Variants in EVL observed in about 807,000 individuals in gnomAD.
The protein encoded by EVL is ena/VASP-like protein.
EVL carries 21 observed loss-of-function variants against 59.6 expected under a neutral mutation model. The ratio of observed to expected loss-of-function variants is 0.35; its 90% confidence interval spans 0.25 to 0.51. The LOEUF (loss-of-function observed/expected upper bound fraction) is 0.51. EVL is among the 20% of genes least tolerant of loss of function. The pLI, the probability that EVL is intolerant of heterozygous loss-of-function variation, is 0.97. For missense variants in EVL, 462 were observed against 546.6 expected, an observed-to-expected ratio of 0.85 and a Z score of 1.54; for synonymous variants, 198 against 203.5, an observed-to-expected ratio of 0.97 and a Z score of 0.23.
intron 9 of EVL, among the ~76,000 whole-genome samples, chr14:100,136,792 T>C (rs1888821795): frequency 6.6e-6 from 1 of 152,210 alleles, no homozygotes; most frequent in Non-Finnish European, 1.5e-5. Context: ...TCAATACCCC[T>C]GCCCTGTTTG....
intron 1 of EVL, among the ~76,000 whole-genome samples, chr14:100,036,021 G>C (rs1473505937): frequency 6.6e-6 from 1 of 152,158 alleles, no homozygotes; most frequent in African/African-American, 2.4e-5. Context: ...ACCAGTTCGT[G>C]GCCTGTTAGG....
At chr14:100,068,055 A>T (rs1409631486) in intron 1 of EVL, among the ~76,000 whole-genome samples, 2 of 152,162 alleles carry the variant, frequency 1.3e-5, no homozygotes, top group African/African-American at 4.8e-5. Context: ...TCTTGTCCTC[A>T]AACTGAGGGC....
At chr14:100,102,077 A>G (rs549043658) in intron 3 of EVL, among the ~76,000 whole-genome samples, 1 of 152,320 alleles carries the variant, frequency 6.6e-6, no homozygotes, top group East Asian at 1.9e-4. Context: ...ACCTCAAGTG[A>G]TCCGCCCACC....
intron 4 of EVL, among the ~76,000 whole-genome samples, chr14:100,124,187 G>A (rs1017003592): frequency 9.2e-5 from 14 of 152,348 alleles, no homozygotes; most frequent in Middle Eastern, 3.4e-3. Flanking sequence ...CCCTCTCAGC[G>A]ATGGGTCCTC....
At chr14:100,017,978 T>C (rs1026828076) in intron 1 of EVL, among the ~76,000 whole-genome samples, 1 of 152,258 alleles carries the variant, frequency 6.6e-6, no homozygotes, top group South Asian at 2.1e-4. Flanking sequence ...TTCGTGCGAA[T>C]GCATGTACTG....
chr14:100,036,365 T>C (rs2061388599), intron 1 of EVL, among the ~76,000 whole-genome samples: 1 of 152,202 alleles, frequency 6.6e-6, no homozygotes, highest in Admixed American at 6.5e-5. Flanking sequence ...GTTTGGTTTC[T>C]TTTTTCTGGG....
intron 2 of EVL, among the ~76,000 whole-genome samples, chr14:100,095,424 C>G (rs977442184): frequency 2.6e-5 from 4 of 152,166 alleles, no homozygotes; most frequent in Non-Finnish European, 5.9e-5. Context: ...GTTAATGTGT[C>G]CTATAATCTA....
At chr14:100,070,062 T>TA (rs569848858) in intron 1 of EVL, among the ~76,000 whole-genome samples, 5,900 of 122,324 alleles carry the variant, frequency 0.048, 298 homozygotes, top group African/African-American at 0.13. Context: ...CCTCCTCTCT[T>TA]AAAAAAAAAA....
intron 1 of EVL, among the ~76,000 whole-genome samples, chr14:99,983,330 A>G (rs892449364): frequency 7.9e-5 from 12 of 152,230 alleles, no homozygotes; most frequent in Admixed American, 7.9e-4. Context: ...TTAGGTTAAG[A>G]AAGAGTTACT....
At chr14:100,084,656 A>T (rs1252942932) in intron 1 of EVL, 31 bp from the exon 2 acceptor site, 1 of 1,610,792 alleles carries the variant, frequency 6.2e-7, no homozygotes, top group East Asian at 2.2e-5. Flanking sequence ...ACTGTAGCTG[A>T]GGCTGACACC....
rs775398910 is a variant in EVL at position 100,135,979 on chromosome 14, G to A, written c.964+11G>A. The A allele has an allele frequency of 1.1e-5, 17 of 1,612,994 alleles. No individual in the cohort carries two copies. The East Asian group carries it at 1.3e-4, about 13-fold the overall frequency. The stretch of plus-strand genomic sequence containing the variant: ...CACCTAACTCCTCAGGTGAGAGGGC[G>A]CCCCCCGCTGACCCCAGTGAGGCAT... On this transcript the variant is annotated intron_variant, in intron 9 of 13. Coordinates refer to ENST00000392920, the MANE Select transcript of EVL (RefSeq NM_016337.3).
intron 1 of EVL, among the ~76,000 whole-genome samples, chr14:100,082,961 G>A (rs751075180): frequency 6.6e-6 from 1 of 152,174 alleles, no homozygotes; most frequent in Non-Finnish European, 1.5e-5. Flanking sequence ...CCCATAGCAG[G>A]TTCTCCTGCA....
intron 3 of EVL, among the ~76,000 whole-genome samples, chr14:100,112,921 A>G (rs993939914): frequency 3.9e-5 from 6 of 152,252 alleles, no homozygotes; most frequent in Admixed American, 6.5e-5. Flanking sequence ...GCCATGCACC[A>G]GAACACAAAG....
chr14:100,010,665 G>C (rs2061011302), intron 1 of EVL, among the ~76,000 whole-genome samples: 1 of 152,190 alleles, frequency 6.6e-6, no homozygotes, highest in Non-Finnish European at 1.5e-5. Flanking sequence ...CTAAAATGCT[G>C]GGATTACAGG....
chr14:100,047,831 A>G (rs1361541278), intron 1 of EVL, among the ~76,000 whole-genome samples: 1 of 152,184 alleles, frequency 6.6e-6, no homozygotes, highest in East Asian at 1.9e-4. Context: ...AAAAATGCCA[A>G]GTGATGTTTG....
intron 1 of EVL, among the ~76,000 whole-genome samples, chr14:99,982,929 A>C (rs908213194): frequency 6.6e-6 from 1 of 152,210 alleles, no homozygotes; most frequent in African/African-American, 2.4e-5. Flanking sequence ...GTTTTTCTCA[A>C]GTATAAATGA....
At chr14:100,135,676 TG>T (rs1381970278) in intron 8 of EVL, 6 of 509,076 alleles carry the variant, frequency 1.2e-5, no homozygotes, top group Non-Finnish European at 2.1e-5. Flanking sequence ...GCTGAGAGCC[TG>T]TAGCTCCCTG....
At chr14:100,037,029 G>A (rs1312843483) in intron 1 of EVL, among the ~76,000 whole-genome samples, 1 of 152,198 alleles carries the variant, frequency 6.6e-6, no homozygotes, top group Non-Finnish European at 1.5e-5. Context: ...CAAGGAGAGA[G>A]GCCTCCAGAG....
rs1017843282 is a variant in EVL, at chr14:100,054,332, C to T, written c.6-30355C>T. On this transcript the variant is annotated intron_variant, in intron 1 of 13. Coordinates refer to the EVL transcript ENST00000402714. ...CCTCCCAAAGTGCTGGGAATACAGG[C>T]GTGAGCCAGCGTGCCCGGCTGACGT... 1.2e-4 allele frequency among the ~76,000 whole-genome samples: 19 copies of T among 152,144 alleles called. 1 individual carries two copies. The highest frequency in any genetic ancestry group is 2.1e-4 in the Non-Finnish European group (14 of 68,032).
Sources: gnomAD v4.1 joint callset for allele counts (sites outside exome capture counted in the v4.1 genomes callset) on GRCh38, gnomAD v4.1.1 for gene constraint, MANE v1.5 for transcripts, NCBI Gene and HGNC (gene_info 2026-07-23, HGNC 2026-07-21) for gene names.